The following QTMAN variants were observed in gnomAD, a reference collection of about 807,000 sequenced individuals.
QTMAN encodes tRNA-queuosine alpha-mannosyltransferase.
chr2:143,998,196 T>C, the QTMAN span, among the ~76,000 whole-genome samples: 4 of 151,994 alleles, frequency 2.6e-5, no homozygotes, highest in East Asian at 3.9e-4. Context: ...CTCAGAAACA[T>C]ATCTAAATTA....
chr2:143,967,472 C>G, the QTMAN span, among the ~76,000 whole-genome samples: 1 of 151,894 alleles, frequency 6.6e-6, no homozygotes, highest in South Asian at 2.1e-4. Flanking sequence ...CTGGGATTAC[C>G]CGCGTGCACT....
chr2:143,941,889 T>C, the QTMAN span: 4 of 152,190 alleles, frequency 2.6e-5, no homozygotes, highest in Non-Finnish European at 5.9e-5. Context: ...ACATCCCATG[T>C]AGGGAAAGGC....
At chr2:144,139,151 A>G in the QTMAN span, among the ~76,000 whole-genome samples, 13 of 152,046 alleles carry the variant, frequency 8.6e-5, 1 homozygote, top group Admixed American at 8.5e-4. Context: ...TGGTAAGGCC[A>G]AAGGATTGTT....
the QTMAN span, among the ~76,000 whole-genome samples, chr2:144,246,771 C>T: frequency 2.6e-5 from 4 of 152,062 alleles, no homozygotes; most frequent in African/African-American, 9.7e-5. Context: ...AGTCCCTCTG[C>T]CTTGAATCTC....
At chr2:143,947,251 C>T in the QTMAN span, 5 of 705,620 alleles carry the variant, frequency 7.1e-6, no homozygotes, top group South Asian at 8.7e-5. Context: ...AATTACATTT[C>T]AAAAAGCCAC....
the QTMAN span, among the ~76,000 whole-genome samples, chr2:144,325,902 G>C: frequency 6.6e-6 from 1 of 152,140 alleles, no homozygotes; most frequent in African/African-American, 2.4e-5. Flanking sequence ...TGGTAATTTG[G>C]GTGTTCAATA....
chr2:144,279,661 T>C, the QTMAN span, among the ~76,000 whole-genome samples: 2 of 152,180 alleles, frequency 1.3e-5, no homozygotes, highest in Non-Finnish European at 2.9e-5. Context: ...CTAGTTTCAA[T>C]TATCATCATC....
At chr2:144,302,673 C>T in the QTMAN span, among the ~76,000 whole-genome samples, 9 of 152,270 alleles carry the variant, frequency 5.9e-5, no homozygotes, top group East Asian at 1.9e-4. Flanking sequence ...GTCAGAACAC[C>T]GGCCTATGGC....
the QTMAN span, among the ~76,000 whole-genome samples, chr2:144,028,291 TAAC>T: frequency 6.6e-6 from 1 of 152,194 alleles, no homozygotes; most frequent in African/African-American, 2.4e-5. Flanking sequence ...AATACTTGCT[TAAC>T]AAAGTTTAGT....
chr2:144,074,780 T>A, the QTMAN span, among the ~76,000 whole-genome samples: 1 of 152,176 alleles, frequency 6.6e-6, no homozygotes, highest in Admixed American at 6.5e-5. Context: ...CTTTAGATTA[T>A]ATCCAGAGTA....
the QTMAN span, among the ~76,000 whole-genome samples, chr2:143,949,953 A>G: frequency 5.3e-5 from 8 of 151,710 alleles, no homozygotes; most frequent in African/African-American, 1.9e-4. Flanking sequence ...TAATAATTGT[A>G]TCATAAAGCT....
the QTMAN span, among the ~76,000 whole-genome samples, chr2:144,227,556 T>C: frequency 6.6e-6 from 1 of 152,140 alleles, no homozygotes; most frequent in African/African-American, 2.4e-5. Context: ...CAAGAAGGGA[T>C]TATTGAGGTT....
At chr2:144,185,148 A>G in the QTMAN span, among the ~76,000 whole-genome samples, 1 of 152,234 alleles carries the variant, frequency 6.6e-6, no homozygotes, top group African/African-American at 2.4e-5. Flanking sequence ...TCAGGCTCCA[A>G]AAATATATTA....
At chr2:144,293,803 A>G in the QTMAN span, among the ~76,000 whole-genome samples, 1 of 152,222 alleles carries the variant, frequency 6.6e-6, no homozygotes, top group Admixed American at 6.5e-5. Flanking sequence ...TACAATAATA[A>G]AGACTACATG....
At chr2:144,131,500 G>A in the QTMAN span, among the ~76,000 whole-genome samples, 1 of 151,596 alleles carries the variant, frequency 6.6e-6, no homozygotes, top group Non-Finnish European at 1.5e-5. Flanking sequence ...TCTACTCATG[G>A]ATACCAAGTT....
At chr2:144,232,093 C>A in the QTMAN span, among the ~76,000 whole-genome samples, 1 of 151,966 alleles carries the variant, frequency 6.6e-6, no homozygotes, top group Admixed American at 6.6e-5. Context: ...ATTTTAGTAG[C>A]TCTGCATAAA....
chr2:144,058,002 A>G, the QTMAN span, among the ~76,000 whole-genome samples: 1 of 151,992 alleles, frequency 6.6e-6, no homozygotes, highest in Non-Finnish European at 1.5e-5. Flanking sequence ...TTTCTAACAT[A>G]AACAACATAG....
At chr2:143,950,664 T>C in the QTMAN span, among the ~76,000 whole-genome samples, 3 of 151,714 alleles carry the variant, frequency 2.0e-5, no homozygotes, top group East Asian at 1.9e-4. Context: ...CTAATACTTA[T>C]ATTTCCTCAA....
At chr2:143,970,530 A>C in the QTMAN span, 1 of 684,494 alleles carries the variant, frequency 1.5e-6, no homozygotes, top group Non-Finnish European at 2.6e-6. Flanking sequence ...GCCATCGTAT[A>C]ATCTTTTGGT....
Sources: gnomAD v4.1 joint callset for allele counts (sites outside exome capture counted in the v4.1 genomes callset) on GRCh38, gnomAD v4.1.1 for gene constraint, MANE v1.5 for transcripts, NCBI Gene and HGNC (gene_info 2026-07-23, HGNC 2026-07-21) for gene names.